NEGR1: variants seen among roughly 807,000 people sequenced by gnomAD.
NEGR1 encodes the protein IgLON family member 4.
In NEGR1, 10 loss-of-function variants were observed where a neutral mutation model predicts 40.9. The ratio of observed to expected loss-of-function variants is 0.24; its 90% confidence interval spans 0.15 to 0.42. NEGR1 has a LOEUF of 0.42. Ranked by LOEUF, NEGR1 falls within the 10% of genes least tolerant of loss-of-function variation. The probability of loss-of-function intolerance (pLI) is 1.00; values close to 1 mark genes in which losing one functional copy is unlikely to be tolerated. For synonymous variants in NEGR1, 185 were observed against 166.8 expected (o/e 1.11, Z -0.84); for missense variants, 352 against 438.9 (o/e 0.80, Z 1.77).
At chr1:71,900,363 TTAA>T (rs1199471673) in intron 2 of NEGR1, among the ~76,000 whole-genome samples, 1 of 152,212 alleles carries the variant, frequency 6.6e-6, no homozygotes, top group African/African-American at 2.4e-5. Context: ...AGCATATTAC[TTAA>T]TGTTATTATG....
At chr1:71,704,352 G>C (rs1653814570) in intron 3 of NEGR1, among the ~76,000 whole-genome samples, 1 of 151,946 alleles carries the variant, frequency 6.6e-6, no homozygotes, top group South Asian at 2.1e-4. Flanking sequence ...CTCAATGAAA[G>C]CAAAAGCTGG....
At chr1:71,607,674 C>G (rs1394794532) in intron 5 of NEGR1, among the ~76,000 whole-genome samples, 1 of 152,020 alleles carries the variant, frequency 6.6e-6, no homozygotes, top group Non-Finnish European at 1.5e-5. Flanking sequence ...AAATAGACAG[C>G]TTTTTATTTA....
At chr1:71,641,242 T>G (rs369481417) in intron 4 of NEGR1, among the ~76,000 whole-genome samples, 4 of 152,068 alleles carry the variant, frequency 2.6e-5, no homozygotes, top group Non-Finnish European at 4.4e-5. Context: ...CCTATTTGAT[T>G]GAAAACCACT....
At chr1:71,647,405 A>C (rs1347527101) in intron 4 of NEGR1, among the ~76,000 whole-genome samples, 1 of 151,954 alleles carries the variant, frequency 6.6e-6, no homozygotes, top group East Asian at 1.9e-4. Context: ...CATGTCTAGT[A>C]AAGAAGGAAA....
intron 1 of NEGR1, among the ~76,000 whole-genome samples, chr1:72,214,352 G>T (rs779790810): frequency 1.3e-5 from 2 of 152,068 alleles, no homozygotes; most frequent in South Asian, 4.1e-4. Flanking sequence ...CGTATTACTG[G>T]AAGTTCTGGC....
chr1:71,578,694 C>T (rs1293217042), intron 6 of NEGR1, among the ~76,000 whole-genome samples: 1 of 151,946 alleles, frequency 6.6e-6, no homozygotes, highest in Non-Finnish European at 1.5e-5. Flanking sequence ...AGATCAAACA[C>T]ATATGGTATG....
chr1:71,852,121 A>G (rs145309132), intron 2 of NEGR1, among the ~76,000 whole-genome samples: 3 of 152,300 alleles, frequency 2.0e-5, no homozygotes, highest in Non-Finnish European at 4.4e-5. Context: ...TTACTTCCAT[A>G]CATCGTTGCA....
At chr1:72,132,746 A>T (rs373042288) in intron 1 of NEGR1, among the ~76,000 whole-genome samples, 1 of 152,196 alleles carries the variant, frequency 6.6e-6, no homozygotes, top group Non-Finnish European at 1.5e-5. Context: ...TAAGTAATTT[A>T]TGGTGAATGT....
chr1:71,611,003 A>G, intron 5 of NEGR1, 23 bp downstream of exon 5: 1 of 1,612,034 alleles, frequency 6.2e-7, no homozygotes. Flanking sequence ...CTTAGAACAC[A>G]GTAATAATCA....
intron 1 of NEGR1, among the ~76,000 whole-genome samples, chr1:71,959,225 A>T (rs547657244): frequency 7.9e-5 from 12 of 152,248 alleles, no homozygotes; most frequent in South Asian, 4.1e-4. Context: ...TATATATATA[A>T]AAATCCCTCC....
intron 2 of NEGR1, among the ~76,000 whole-genome samples, chr1:71,807,588 T>C (rs976893316): frequency 2.6e-5 from 4 of 152,198 alleles, no homozygotes; most frequent in African/African-American, 9.6e-5. Context: ...CTGCATACAA[T>C]GCTCTGATTT....
chr1:71,469,888 G>A (rs924928663), intron 6 of NEGR1, among the ~76,000 whole-genome samples: 3 of 152,058 alleles, frequency 2.0e-5, no homozygotes, highest in African/African-American at 7.2e-5. Flanking sequence ...AAATAGTGGT[G>A]ACTATCCTTT....
chr1:71,656,502 T>C (rs1201798913), intron 4 of NEGR1, among the ~76,000 whole-genome samples: 1 of 152,172 alleles, frequency 6.6e-6, no homozygotes, highest in Non-Finnish European at 1.5e-5. Context: ...AAACTCCACC[T>C]CCCGGGTTCA....
At chr1:71,791,662 C>T (rs1227583906) in intron 2 of NEGR1, among the ~76,000 whole-genome samples, 1 of 151,984 alleles carries the variant, frequency 6.6e-6, no homozygotes, top group Non-Finnish European at 1.5e-5. Context: ...TGCTCTTGCC[C>T]TTAAAAAGTC....
intron 3 of NEGR1, among the ~76,000 whole-genome samples, chr1:71,770,774 G>A (rs912646320): frequency 6.6e-6 from 1 of 152,160 alleles, no homozygotes; most frequent in Admixed American, 6.5e-5. Context: ...CAGTTAGAAT[G>A]GCAATCATTA....
intron 1 of NEGR1, among the ~76,000 whole-genome samples, chr1:71,955,939 T>C (rs538266739): frequency 6.6e-6 from 1 of 152,184 alleles, no homozygotes; most frequent in Non-Finnish European, 1.5e-5. Flanking sequence ...ATTGTCTATA[T>C]AAAACATTTG....
chr1:71,866,290 AT>A (rs1488677201), intron 2 of NEGR1, among the ~76,000 whole-genome samples: 4 of 152,182 alleles, frequency 2.6e-5, no homozygotes, highest in African/African-American at 9.6e-5. Flanking sequence ...ACCATTAGCA[AT>A]TTAGCAAAAG....
chr1:71,611,949 G>A (rs1194182265), intron 4 of NEGR1, among the ~76,000 whole-genome samples: 1 of 152,154 alleles, frequency 6.6e-6, no homozygotes, highest in East Asian at 1.9e-4. Context: ...TTGGCCGAGT[G>A]CGGTGGCTCA....
chr1:71,974,747 T>C (rs1215283878), intron 1 of NEGR1, among the ~76,000 whole-genome samples: 9 of 152,180 alleles, frequency 5.9e-5, no homozygotes, highest in Non-Finnish European at 1.3e-4. Flanking sequence ...ATTTACTCAG[T>C]ATCAGAGATT....
Sources: allele counts gnomAD v4.1 joint callset (sites outside exome capture counted in the v4.1 genomes callset), GRCh38; gene constraint gnomAD v4.1.1; transcripts MANE v1.5; gene names NCBI Gene and HGNC (gene_info 2026-07-23, HGNC 2026-07-21).